The following CMSS1 variants were observed in gnomAD, a reference collection of about 807,000 sequenced individuals.
The protein encoded by CMSS1 is protein CMSS1.
Under a neutral mutation model 43.5 loss-of-function variants are expected in CMSS1, and 33 were observed. That is an observed-to-expected ratio of 0.76 (90% CI 0.57 to 1.01). The LOEUF is 1.01. Ranked by LOEUF, CMSS1 falls within the 50% of genes least tolerant of loss-of-function variation. The pLI is 0.00. For synonymous variants in CMSS1, 115 were observed against 117.2 expected (o/e 0.98, Z 0.12); for missense variants, 313 against 326.4 (o/e 0.96, Z 0.32).
intron 1 of CMSS1, among the ~76,000 whole-genome samples, chr3:99,909,622 AAAT>A (rs1559684499): frequency 6.6e-6 from 1 of 152,258 alleles, no homozygotes; most frequent in Non-Finnish European, 1.5e-5. Flanking sequence ...TTGCATAAAG[AAAT>A]AATAATACTG....
intron 1 of CMSS1, among the ~76,000 whole-genome samples, chr3:100,098,305 G>C (rs1050436684): frequency 1.4e-4 from 21 of 152,174 alleles, no homozygotes; most frequent in African/African-American, 4.8e-4. Flanking sequence ...CTGTGTTTTA[G>C]AGTGAAAAAC....
chr3:99,991,028 T>C (rs1709494661), intron 1 of CMSS1, among the ~76,000 whole-genome samples: 1 of 152,154 alleles, frequency 6.6e-6, no homozygotes, highest in African/African-American at 2.4e-5. Context: ...ATGACAAAGA[T>C]GCCCATAATC....
intron 1 of CMSS1, among the ~76,000 whole-genome samples, chr3:99,939,422 C>T (rs555545234): frequency 6.6e-6 from 1 of 152,256 alleles, no homozygotes; most frequent in African/African-American, 2.4e-5. Context: ...CCAAATGAAA[C>T]ACTCAGTTTC....
At chr3:100,132,403 T>A (rs375405176) in intron 1 of CMSS1, among the ~76,000 whole-genome samples, 1 of 151,760 alleles carries the variant, frequency 6.6e-6, no homozygotes. Flanking sequence ...AGCCTATCTC[T>A]AAAAATGAAT....
chr3:100,057,223 G>A (rs182481863), intron 1 of CMSS1, among the ~76,000 whole-genome samples: 323 of 152,206 alleles, frequency 2.1e-3, no homozygotes, highest in Non-Finnish European at 3.6e-3. Context: ...CTAAAGACCC[G>A]TCCCGTTCTA....
intron 1 of CMSS1, among the ~76,000 whole-genome samples, chr3:99,932,621 G>C (rs906129099): frequency 1.3e-5 from 2 of 152,134 alleles, no homozygotes; most frequent in African/African-American, 4.8e-5. Context: ...CAGGCACAAT[G>C]GCTCACACCT....
intron 1 of CMSS1, among the ~76,000 whole-genome samples, chr3:99,896,796 A>G (rs1034295161): frequency 6.6e-6 from 1 of 152,210 alleles, no homozygotes; most frequent in African/African-American, 2.4e-5. Context: ...TTGTTCCACA[A>G]TATATTCATA....
At chr3:100,020,449 G>A (rs1172403573) in intron 1 of CMSS1, among the ~76,000 whole-genome samples, 1 of 152,100 alleles carries the variant, frequency 6.6e-6, no homozygotes, top group Non-Finnish European at 1.5e-5. Flanking sequence ...GAAAATACAT[G>A]CTGTCAGCCT....
At chr3:100,015,085 G>A (rs935205065) in intron 1 of CMSS1, among the ~76,000 whole-genome samples, 2 of 151,104 alleles carry the variant, frequency 1.3e-5, no homozygotes, top group African/African-American at 2.4e-5. Flanking sequence ...TACGAGATAA[G>A]GGTCTAATTT....
intron 1 of CMSS1, among the ~76,000 whole-genome samples, chr3:99,871,077 T>C (rs1000321351): frequency 1.1e-4 from 16 of 152,172 alleles, no homozygotes; most frequent in African/African-American, 3.9e-4. Flanking sequence ...GCATCTGACT[T>C]AGTCTGCCTA....
rs1943467915 is a variant in CMSS1 at position 99,848,363 on chromosome 3, T to C, written c.64+30320T>C. On this transcript the variant is annotated intron_variant, in intron 1 of 9. Transcript: ENST00000421999. Reference sequence around the variant, plus strand: ...ATAGTAATACTGCTGGTGACTTTATTGGTTGTTTTGTTTAGTGCCCCGTTA... The same window carrying C: ...ATAGTAATACTGCTGGTGACTTTATCGGTTGTTTTGTTTAGTGCCCCGTTA... 1.9e-6 allele frequency: 3 copies of C among 1,614,064 alleles called. No individual in the cohort carries two copies. The Admixed American group carries it at 5.0e-5, about 27-fold the overall frequency.
At chr3:99,987,650 G>T (rs1709384794) in intron 1 of CMSS1, among the ~76,000 whole-genome samples, 1 of 151,810 alleles carries the variant, frequency 6.6e-6, no homozygotes, top group Admixed American at 6.6e-5. Context: ...TGTCTGACAA[G>T]ACTAACAATT....
At chr3:100,078,633 G>A (rs1431323610) in intron 1 of CMSS1, among the ~76,000 whole-genome samples, 2 of 152,156 alleles carry the variant, frequency 1.3e-5, no homozygotes, top group Admixed American at 1.3e-4. Context: ...TCGCTGGCCT[G>A]TAATCCCAGC....
chr3:100,057,693 C>G (rs2065488779), intron 1 of CMSS1, among the ~76,000 whole-genome samples: 1 of 152,182 alleles, frequency 6.6e-6, no homozygotes, highest in Non-Finnish European at 1.5e-5. Flanking sequence ...GAGAAGCCCC[C>G]TGCTTGCCCG....
chr3:99,835,848 G>A (rs910533443), intron 1 of CMSS1, among the ~76,000 whole-genome samples: 17 of 152,188 alleles, frequency 1.1e-4, no homozygotes, highest in African/African-American at 3.9e-4. Context: ...TTTTCCAGAG[G>A]AAGTGACACA....
chr3:100,045,055 GAT>G (rs2065257747), intron 1 of CMSS1, among the ~76,000 whole-genome samples: 1 of 152,254 alleles, frequency 6.6e-6, no homozygotes, highest in Non-Finnish European at 1.5e-5. Context: ...AGATGCTTGT[GAT>G]ATATCCAAGG....
intron 1 of CMSS1, 95 bp downstream of exon 1, chr3:99,818,138 C>T: frequency 9.7e-6 from 12 of 1,230,960 alleles, no homozygotes; most frequent in Non-Finnish European, 1.3e-5. Flanking sequence ...GGTGTTTGCC[C>T]AGCAGGGGTG....
At chr3:99,922,164 GTA>G (rs1707145732) in intron 1 of CMSS1, among the ~76,000 whole-genome samples, 1 of 152,206 alleles carries the variant, frequency 6.6e-6, no homozygotes, top group African/African-American at 2.4e-5. Flanking sequence ...ACCGTGATCA[GTA>G]AATGTTCATA....
At chr3:100,033,558 A>G (rs1343112370) in intron 1 of CMSS1, among the ~76,000 whole-genome samples, 1 of 152,220 alleles carries the variant, frequency 6.6e-6, no homozygotes, top group Non-Finnish European at 1.5e-5. Context: ...TGCCTGCACC[A>G]AATCATGTAC....
Sources: gnomAD v4.1 joint callset for allele counts (sites outside exome capture counted in the v4.1 genomes callset) on GRCh38, gnomAD v4.1.1 for gene constraint, MANE v1.5 for transcripts, NCBI Gene and HGNC (gene_info 2026-07-23, HGNC 2026-07-21) for gene names.